The following EML6 variants were observed in gnomAD, a reference collection of about 807,000 sequenced individuals.
The protein encoded by EML6 is echinoderm microtubule-associated protein-like 6.
Under a neutral mutation model 240.1 loss-of-function variants are expected in EML6, and 154 were observed. The observed-to-expected ratio is 0.64, with a 90% CI of 0.56 to 0.73. EML6 has a LOEUF of 0.73. Among genes scored for constraint, EML6 ranks in the 30% least tolerant of loss-of-function variants. The pLI is 0.00. For missense variants in EML6, 2,964 were observed against 2,474.6 expected (o/e 1.20, Z -4.20); for synonymous variants, 1,148 against 899.0 (o/e 1.28, Z -4.95).
chr2:54,871,689 G>C (rs1347515585), intron 16 of EML6, 84 bp downstream of exon 16: 1 of 947,678 alleles, frequency 1.1e-6, no homozygotes, highest in South Asian at 1.4e-5. Context: ...ATGCGCGCAC[G>C]CGTGTGTGTG....
chr2:54,742,766 A>G (rs960523965), intron 2 of EML6, among the ~76,000 whole-genome samples: 1 of 152,206 alleles, frequency 6.6e-6, no homozygotes, highest in Admixed American at 6.5e-5. Context: ...TCAGTAAAGC[A>G]TATAAGGAGC....
intron 22 of EML6, among the ~76,000 whole-genome samples, chr2:54,901,096 G>T (rs1384693969): frequency 6.6e-6 from 1 of 152,188 alleles, no homozygotes; most frequent in Non-Finnish European, 1.5e-5. Context: ...CAACAACTAT[G>T]CCAGCTCTTT....
intron 21 of EML6, 140 bp downstream of exon 21, chr2:54,895,540 T>A (rs1672718912): frequency 4.0e-6 from 3 of 751,590 alleles, no homozygotes; most frequent in Non-Finnish European, 6.4e-6. Context: ...TACCTATTGC[T>A]GTGTAACAAA....
chr2:54,885,303 C>T (rs1266014730), intron 17 of EML6, among the ~76,000 whole-genome samples: 2 of 151,684 alleles, frequency 1.3e-5, no homozygotes, highest in African/African-American at 4.8e-5. Context: ...AAAAATTAGC[C>T]AGGCATGGTG....
At chr2:54,957,709 T>A (rs1172773208) in intron 32 of EML6, 81 bp from the exon 33 acceptor site, 3 of 1,272,686 alleles carry the variant, frequency 2.4e-6, no homozygotes, top group Non-Finnish European at 3.3e-6. Flanking sequence ...CCTGCTGGGG[T>A]GGAGACCTCC....
intron 21 of EML6, among the ~76,000 whole-genome samples, chr2:54,896,652 C>T (rs1387869828): frequency 1.3e-5 from 2 of 152,188 alleles, no homozygotes; most frequent in African/African-American, 4.8e-5. Context: ...GTCAGAACTT[C>T]CAAGATTCCA....
At chr2:54,817,021 C>G (rs1668111484) in intron 4 of EML6, 136 bp downstream of exon 4, 3 of 595,592 alleles carry the variant, frequency 5.0e-6, no homozygotes, top group East Asian at 2.8e-5. Flanking sequence ...TAATCATCCT[C>G]TTTTTTCATG....
chr2:54,735,762 T>A (rs1359536787), intron 2 of EML6, among the ~76,000 whole-genome samples: 1 of 152,248 alleles, frequency 6.6e-6, no homozygotes, highest in African/African-American at 2.4e-5. Flanking sequence ...AATGTGGTCT[T>A]TTAAGCAACT....
At chr2:54,841,629 GC>G (rs1274400740) in intron 7 of EML6, among the ~76,000 whole-genome samples, 1 of 128,832 alleles carries the variant, frequency 7.8e-6, no homozygotes, top group African/African-American at 3.1e-5. Flanking sequence ...TTGCTCTGTC[GC>G]CCAGGCTGGA....
At chr2:54,816,075 C>CTTA (rs2104072583) in intron 3 of EML6, among the ~76,000 whole-genome samples, 1 of 152,312 alleles carries the variant, frequency 6.6e-6, no homozygotes, top group South Asian at 2.1e-4. Flanking sequence ...GCCAAATCTA[C>CTTA]TTATAGTTCA....
At chr2:54,826,724 A>G (rs1558583210) in intron 5 of EML6, among the ~76,000 whole-genome samples, 1 of 152,246 alleles carries the variant, frequency 6.6e-6, no homozygotes, top group Non-Finnish European at 1.5e-5. Context: ...CACAATGGAC[A>G]CATTTTATGC....
chr2:54,793,076 T>G (rs1669545037), intron 2 of EML6, among the ~76,000 whole-genome samples: 1 of 152,194 alleles, frequency 6.6e-6, no homozygotes, highest in Non-Finnish European at 1.5e-5. Flanking sequence ...GAGACCAGTC[T>G]CGTCAACATC....
intron 11 of EML6, among the ~76,000 whole-genome samples, chr2:54,855,458 GC>G (rs11297060): frequency 0.67 from 82,829 of 124,132 alleles, 25,895 homozygotes; most frequent in South Asian, 0.73. Context: ...CTTCTACCAT[GC>G]CCCCCCCCCG....
chr2:54,841,141 G>A (rs1000537615), intron 7 of EML6, among the ~76,000 whole-genome samples: 2 of 152,282 alleles, frequency 1.3e-5, no homozygotes, highest in African/African-American at 4.8e-5. Flanking sequence ...AAGGCCGTGT[G>A]GTTCTCTGCA....
chr2:54,937,408 C>T (rs1675196795), intron 28 of EML6, among the ~76,000 whole-genome samples: 1 of 151,326 alleles, frequency 6.6e-6, no homozygotes, highest in African/African-American at 2.4e-5. Flanking sequence ...TTGTCTCTAC[C>T]AAAAATTTAA....
intron 26 of EML6, among the ~76,000 whole-genome samples, chr2:54,924,759 C>A (rs550182141): frequency 4.6e-5 from 7 of 152,028 alleles, no homozygotes; most frequent in African/African-American, 1.7e-4. Context: ...GATGGGGTTT[C>A]GCCGTGTTGG....
At chr2:54,825,909 A>T (rs970843072) in intron 5 of EML6, among the ~76,000 whole-genome samples, 7 of 152,204 alleles carry the variant, frequency 4.6e-5, no homozygotes, top group Non-Finnish European at 5.9e-5. Context: ...CATGCCTGCC[A>T]TGTGGCTTCA....
At chr2:54,785,427 G>A (rs1283410779) in intron 2 of EML6, among the ~76,000 whole-genome samples, 2 of 151,904 alleles carry the variant, frequency 1.3e-5, no homozygotes, top group Admixed American at 6.6e-5. Context: ...CTCCCACCTC[G>A]GCCTCCCAGA....
intron 7 of EML6, among the ~76,000 whole-genome samples, chr2:54,840,565 A>C (rs1474873288): frequency 6.6e-6 from 1 of 152,178 alleles, no homozygotes; most frequent in African/African-American, 2.4e-5. Context: ...AGTAGTGCTG[A>C]ATAAAAATTT....
Sources: allele counts gnomAD v4.1 joint callset (sites outside exome capture counted in the v4.1 genomes callset), GRCh38; gene constraint gnomAD v4.1.1; transcripts MANE v1.5; gene names NCBI Gene and HGNC (gene_info 2026-07-23, HGNC 2026-07-21).